Variants in STX12 observed in about 807,000 individuals in gnomAD.
The protein encoded by STX12 is syntaxin 12.
A neutral mutation model predicts 42.2 loss-of-function variants in STX12; 17 were observed. The observed-to-expected ratio is 0.40, with a 90% CI of 0.28 to 0.60. The LOEUF is 0.60. STX12 is among the 20% of genes least tolerant of loss of function. STX12 has a pLI of 0.39. For synonymous variants in STX12, 108 were observed against 116.7 expected (o/e 0.93, Z 0.48); for missense variants, 297 against 330.9 (o/e 0.90, Z 0.79).
chr1:27,777,317 T>TA (rs140655766), intron 1 of STX12, among the ~76,000 whole-genome samples: 18,622 of 152,004 alleles, frequency 0.12, 3,797 homozygotes, highest in African/African-American at 0.42. Context: ...GGGAAAGGCA[T>TA]TCTAGGTAGA....
chr1:27,815,378 C>G (rs1026199982), intron 6 of STX12, among the ~76,000 whole-genome samples: 2 of 152,194 alleles, frequency 1.3e-5, no homozygotes, highest in African/African-American at 4.8e-5. Flanking sequence ...TTTCCAAACT[C>G]TGACATACAC....
intron 3 of STX12, among the ~76,000 whole-genome samples, chr1:27,794,373 C>G (rs1162828131): frequency 1.3e-5 from 2 of 152,176 alleles, no homozygotes; most frequent in Non-Finnish European, 1.5e-5. Context: ...AATGAAACAT[C>G]TTTCTTTCAT....
chr1:27,821,514 G>A (rs140560662), intron 8 of STX12, among the ~76,000 whole-genome samples: 1 of 150,974 alleles, frequency 6.6e-6, no homozygotes, highest in African/African-American at 2.4e-5. Flanking sequence ...CAAAAATGTT[G>A]ACGGTATTAT....
At chr1:27,803,352 C>T (rs1447562907) in intron 4 of STX12, among the ~76,000 whole-genome samples, 2 of 152,130 alleles carry the variant, frequency 1.3e-5, no homozygotes, top group Non-Finnish European at 2.9e-5. Flanking sequence ...TTCAAAGATA[C>T]AATAGTTAGA....
chr1:27,792,229 T>C (rs929711317), intron 2 of STX12, among the ~76,000 whole-genome samples: 8 of 136,688 alleles, frequency 5.9e-5, no homozygotes, highest in Non-Finnish European at 9.3e-5. Flanking sequence ...TATATGTATA[T>C]ACATATATAT....
chr1:27,775,130 G>T (rs2088620714), intron 1 of STX12, among the ~76,000 whole-genome samples: 1 of 152,144 alleles, frequency 6.6e-6, no homozygotes, highest in Non-Finnish European at 1.5e-5. Context: ...AAATTTTCTT[G>T]TTGAAGCTAA....
At chr1:27,821,398 G>C (rs2088983520) in intron 8 of STX12, among the ~76,000 whole-genome samples, 1 of 151,992 alleles carries the variant, frequency 6.6e-6, no homozygotes, top group Non-Finnish European at 1.5e-5. Flanking sequence ...AGTTTAAACA[G>C]AAAAATGTTT....
intron 4 of STX12, among the ~76,000 whole-genome samples, chr1:27,803,245 A>G (rs554731492): frequency 4.6e-5 from 7 of 152,352 alleles, no homozygotes; most frequent in African/African-American, 1.7e-4. Flanking sequence ...CCCAAGCAGG[A>G]TAAATAAAAT....
intron 3 of STX12, 84 bp from the exon 4 acceptor site, chr1:27,801,594 G>T: frequency 2.2e-6 from 3 of 1,348,488 alleles, no homozygotes; most frequent in Non-Finnish European, 2.9e-6. Flanking sequence ...ATCTTTAAGG[G>T]GTATAATTTT....
chr1:27,817,457 A>G (rs2088951496), intron 6 of STX12, among the ~76,000 whole-genome samples: 1 of 152,184 alleles, frequency 6.6e-6, no homozygotes, highest in Non-Finnish European at 1.5e-5. Flanking sequence ...TTGTATAAAC[A>G]TTTAAATTCT....
intron 7 of STX12, among the ~76,000 whole-genome samples, chr1:27,818,685 G>A (rs1365039175): frequency 2.0e-5 from 3 of 151,102 alleles, no homozygotes; most frequent in South Asian, 2.1e-4. Context: ...GCTGGAGTGC[G>A]ATGGTGCGAT....
intron 8 of STX12, 27 bp from the exon 9 acceptor site, chr1:27,822,204 A>T: frequency 7.2e-7 from 1 of 1,390,140 alleles, no homozygotes; most frequent in Non-Finnish European, 1.0e-6. Context: ...TTTCATGAGT[A>T]TCTTGTTTAC....
chr1:27,819,899 G>T lies in STX12; in HGVS notation c.732+167G>T, dbSNP rs1438769064. 1.6e-5 allele frequency: 9 copies of T among 550,436 alleles called. No homozygotes were observed. In the East Asian group the frequency reaches 2.8e-4, roughly 17 times the overall value. 34.1% of individuals were successfully genotyped at this position (550,436 alleles called of 1,614,324 possible). A position where few individuals can be genotyped will look rare whatever the true frequency, so the allele number is the denominator to read the frequency against. ...TTTTTATTATTTTCCTTTGCAGATA[G>T]ATCTACAAAAAATAATCACACCTTG... On this transcript the variant is annotated intron_variant, in intron 8 of 8. Coordinates refer to ENST00000373943, the MANE Select transcript of STX12 (RefSeq NM_177424.3).
intron 3 of STX12, among the ~76,000 whole-genome samples, chr1:27,799,210 C>T (rs1298867904): frequency 2.6e-5 from 4 of 152,096 alleles, no homozygotes; most frequent in Non-Finnish European, 5.9e-5. Flanking sequence ...TCTCTCTTTC[C>T]CCACCACCAG....
chr1:27,798,470 C>A (rs1265933334), intron 3 of STX12, among the ~76,000 whole-genome samples: 1 of 151,838 alleles, frequency 6.6e-6, no homozygotes, highest in Non-Finnish European at 1.5e-5. Flanking sequence ...CATGGCAAAA[C>A]CCCATCTCTA....
At position 27,823,836 on chromosome 1, in the gene STX12, A is replaced by C. The variant is rs951695945; in HGVS notation, c.*1507A>C. On this transcript the variant is annotated 3_prime_UTR_variant, in exon 9 of 9. Transcript: ENST00000373943. ...TATTAGGTAATGTGCTGTCATGAGA[A>C]AAATTGAGACTTCCAAGAAAACTGG... The C allele has an allele frequency of 1.3e-5, 2 of 152,610 alleles. No individual in the cohort carries two copies. Among genetic ancestry groups the C allele is most frequent in the African/African-American group, 4.8e-5 (2 of 41,454 alleles). The allele number at this position is 152,610 out of a possible 1,614,324, so 9.5% of individuals were successfully genotyped here.
chr1:27,786,944 TCA>T (rs1264944917), intron 1 of STX12, among the ~76,000 whole-genome samples: 1 of 152,202 alleles, frequency 6.6e-6, no homozygotes, highest in Non-Finnish European at 1.5e-5. Flanking sequence ...AAAGTGGTTG[TCA>T]CACATAATGC....
chr1:27,795,110 C>T (rs967022253), intron 3 of STX12, among the ~76,000 whole-genome samples: 5 of 151,908 alleles, frequency 3.3e-5, no homozygotes, highest in African/African-American at 1.2e-4. Context: ...ACTTCCCTGT[C>T]GTGGGTTGTT....
chr1:27,810,080 C>T (rs1463564545), intron 4 of STX12, 166 bp from the exon 5 acceptor site: 2 of 595,494 alleles, frequency 3.4e-6, no homozygotes, highest in Non-Finnish European at 5.9e-6. Context: ...AACCACTTTA[C>T]ACCCACTTCT....
Sources: gnomAD v4.1 joint callset for allele counts (sites outside exome capture counted in the v4.1 genomes callset) on GRCh38, gnomAD v4.1.1 for gene constraint, MANE v1.5 for transcripts, NCBI Gene and HGNC (gene_info 2026-07-23, HGNC 2026-07-21) for gene names.